Variants in AGBL4 observed in about 807,000 individuals in gnomAD.
AGBL4 encodes AGBL carboxypeptidase 4, also known as cytosolic carboxypeptidase 6.
In AGBL4, 58 loss-of-function variants were observed where a neutral mutation model predicts 66.4. The observed-to-expected ratio is 0.87, with a 90% CI of 0.71 to 1.09. The LOEUF (loss-of-function observed/expected upper bound fraction) is 1.09, where lower values mean the gene tolerates loss of function less well. Among genes scored for constraint, AGBL4 ranks in the 50% least tolerant of loss-of-function variants. The probability of loss-of-function intolerance (pLI) is 0.00; values close to 1 mark genes in which losing one functional copy is unlikely to be tolerated. For synonymous variants in AGBL4, 234 were observed against 222.9 expected, an observed-to-expected ratio of 1.05 and a Z score of -0.44; for missense variants, 579 against 631.0, an observed-to-expected ratio of 0.92 and a Z score of 0.88.
intron 6 of AGBL4, among the ~76,000 whole-genome samples, chr1:48,848,014 C>T (rs1265706260): frequency 6.6e-6 from 1 of 152,174 alleles, no homozygotes; most frequent in African/African-American, 2.4e-5. Context: ...CTGCTTCCTG[C>T]TCCATACCCT....
At chr1:49,388,830 C>A (rs1016697939) in intron 3 of AGBL4, among the ~76,000 whole-genome samples, 1 of 152,084 alleles carries the variant, frequency 6.6e-6, no homozygotes, top group African/African-American at 2.4e-5. Context: ...AAGTTTAATG[C>A]CTCTGTCAGG....
chr1:48,721,935 A>C (rs1647157810), intron 6 of AGBL4, among the ~76,000 whole-genome samples: 1 of 152,212 alleles, frequency 6.6e-6, no homozygotes, highest in Non-Finnish European at 1.5e-5. Context: ...TTGGGAATAC[A>C]GCAGTGAACA....
intron 2 of AGBL4, among the ~76,000 whole-genome samples, chr1:49,828,803 G>C (rs1174569027): frequency 1.3e-5 from 2 of 152,128 alleles, no homozygotes; most frequent in Non-Finnish European, 2.9e-5. Context: ...AGCCGCGGTG[G>C]CTCACGCCTG....
chr1:49,688,279 G>C (rs1400966544), intron 3 of AGBL4, among the ~76,000 whole-genome samples: 1 of 152,088 alleles, frequency 6.6e-6, no homozygotes, highest in Non-Finnish European at 1.5e-5. Flanking sequence ...GAGTTAAATT[G>C]TTTTAATTTT....
intron 3 of AGBL4, among the ~76,000 whole-genome samples, chr1:49,338,577 G>A (rs1645481253): frequency 6.6e-6 from 1 of 152,158 alleles, no homozygotes; most frequent in South Asian, 2.1e-4. Context: ...TCAGGCTAGG[G>A]TCTGCAGAGC....
intron 5 of AGBL4, among the ~76,000 whole-genome samples, chr1:49,020,795 CTGTAGGA>C (rs1358342845): frequency 2.0e-5 from 3 of 152,278 alleles, no homozygotes; most frequent in Non-Finnish European, 4.4e-5. Flanking sequence ...AGCTCTGTGC[CTGTAGGA>C]TGTAACAGAA....
In AGBL4 at chr1:49,805,779, C is replaced by T. The variant is rs1644962831; in HGVS notation, c.157+45617G>A. 2.0e-5 allele frequency among the ~76,000 whole-genome samples: 3 copies of T among 152,146 alleles called. No homozygotes were observed. The South Asian group carries it at 6.2e-4, about 31-fold the overall frequency. ...TTATAAAAGTGGCCTCAGAGAGCTG[C>T]CTTACTCCTTTCGCTAAGTGAGGAC... On this transcript the variant is annotated intron_variant, in intron 2 of 13. Transcript: ENST00000371839.
At chr1:48,867,136 G>A (rs1648176340) in intron 6 of AGBL4, 55 bp downstream of exon 6, 1 of 1,578,704 alleles carries the variant, frequency 6.3e-7, no homozygotes, top group Non-Finnish European at 8.7e-7. Flanking sequence ...TAGGCAACAA[G>A]GCATCATTCA....
intron 3 of AGBL4, among the ~76,000 whole-genome samples, chr1:49,531,502 G>A (rs1239406216): frequency 6.6e-6 from 1 of 152,056 alleles, no homozygotes; most frequent in Admixed American, 6.6e-5. Flanking sequence ...CTGTGAAACA[G>A]TCATAAACTT....
At chr1:48,625,106 TTCCTTCCTTCCTTC>T (rs1645480683) in intron 9 of AGBL4, among the ~76,000 whole-genome samples, 4 of 32,202 alleles carry the variant, frequency 1.2e-4, no homozygotes, top group African/African-American at 3.2e-4. Context: ...CCTTCCTTCC[TTCCTTCCTTCCTTC>T]CTTCCTTCCT....
At chr1:49,051,231 G>T (rs1175234847) in intron 4 of AGBL4, among the ~76,000 whole-genome samples, 1 of 152,074 alleles carries the variant, frequency 6.6e-6, no homozygotes, top group Non-Finnish European at 1.5e-5. Context: ...CTTAAAAAAG[G>T]TGTGCAAAAC....
At chr1:48,528,584 C>T (rs1041060675), downstream of AGBL4, among the ~76,000 whole-genome samples, 1 of 151,930 alleles carries the variant, frequency 6.6e-6, no homozygotes, top group Non-Finnish European at 1.5e-5. Flanking sequence ...GGGTCCACAT[C>T]CTGTCCTAGT....
chr1:49,939,378 C>A (rs367934484), intron 1 of AGBL4, among the ~76,000 whole-genome samples: 5 of 151,362 alleles, frequency 3.3e-5, no homozygotes, highest in Non-Finnish European at 5.9e-5. Flanking sequence ...GAACCAAAAA[C>A]GAGCCCACAT....
Position 49,202,451 on chromosome 1 carries a change from G to C in AGBL4, c.377+43319C>G, listed in dbSNP as rs139390832. 5.3e-5 allele frequency among the ~76,000 whole-genome samples: 8 copies of C among 152,182 alleles called. No homozygotes were observed. The East Asian group carries it at 1.5e-3, about 29-fold the overall frequency. Reference sequence around the variant, plus strand: ...GACATGTAGACCATGAAACAGAATAGAGAGCCAAAAAATAAACCTTCACAT... The same window carrying C: ...GACATGTAGACCATGAAACAGAATACAGAGCCAAAAAATAAACCTTCACAT... On this transcript the variant is annotated intron_variant, in intron 4 of 13. Coordinates refer to ENST00000371839, the MANE Select transcript of AGBL4 (RefSeq NM_032785.4).
At chr1:49,246,379 T>C (rs935345302) in intron 3 of AGBL4, among the ~76,000 whole-genome samples, 2 of 151,874 alleles carry the variant, frequency 1.3e-5, no homozygotes, top group African/African-American at 4.8e-5. Context: ...ACTAAAAATA[T>C]TAACTAAGAA....
At chr1:49,132,503 A>C (rs911737182) in intron 4 of AGBL4, among the ~76,000 whole-genome samples, 11 of 152,124 alleles carry the variant, frequency 7.2e-5, no homozygotes, top group Admixed American at 7.2e-4. Context: ...AATTACAGTC[A>C]TTTGATTTGA....
intron 3 of AGBL4, among the ~76,000 whole-genome samples, chr1:49,418,872 T>G (rs1645484045): frequency 6.6e-6 from 1 of 152,228 alleles, no homozygotes; most frequent in African/African-American, 2.4e-5. Context: ...TTAAAGCTAT[T>G]AAGCAGGGAG....
chr1:48,666,525 C>G (rs1008792180), intron 6 of AGBL4, among the ~76,000 whole-genome samples: 1 of 152,318 alleles, frequency 6.6e-6, no homozygotes, highest in Admixed American at 6.5e-5. Flanking sequence ...TTAGCATGCA[C>G]GTGCACACAC....
chr1:48,530,088 T>G (rs1225279356), downstream of AGBL4, among the ~76,000 whole-genome samples: 1 of 152,242 alleles, frequency 6.6e-6, no homozygotes, highest in African/African-American at 2.4e-5. Flanking sequence ...TTAACCTGTT[T>G]CTTTTTTTGA....
Sources: allele counts gnomAD v4.1 joint callset (sites outside exome capture counted in the v4.1 genomes callset), GRCh38; gene constraint gnomAD v4.1.1; transcripts MANE v1.5; gene names NCBI Gene and HGNC (gene_info 2026-07-23, HGNC 2026-07-21).